Variants in CECR2 observed in about 807,000 individuals in gnomAD.
CECR2 encodes the protein chromatin remodeling regulator CECR2.
A neutral mutation model predicts 154.5 loss-of-function variants in CECR2; 30 were observed. The ratio of observed to expected loss-of-function variants is 0.19; its 90% CI spans 0.15 to 0.26. The LOEUF is 0.26. Ranked by LOEUF, CECR2 falls within the 10% of genes least tolerant of loss-of-function variation. CECR2 has a pLI of 1.00. For synonymous variants in CECR2, 725 were observed against 683.7 expected (o/e 1.06, Z -0.94); for missense variants, 1,743 against 1,829.3 (o/e 0.95, Z 0.86).
intron 1 of CECR2, among the ~76,000 whole-genome samples, chr22:17,391,000 T>C (rs2063320035): frequency 6.6e-6 from 1 of 152,224 alleles, no homozygotes; most frequent in South Asian, 2.1e-4. Flanking sequence ...GCGTACCCTT[T>C]ACTCTAGATG....
chr22:17,548,909 A>G lies in CECR2; in HGVS notation c.3622A>G (p.Ser1208Gly). Residue 1208 changes from serine to glycine, a missense_variant, in exon 17 of 19, where the codon AGC (serine) becomes GGC (glycine). Physicochemically the swap from Ser to Gly is moderately conservative, Grantham distance 56 (BLOSUM62 0). Transcript: ENST00000262608. ...AACTCCTTACTATGCCTGTCCACAG[A>G]GCTTTTCTGACTGGCAGAGACCTCT... is the stretch of plus-strand genomic sequence containing the variant. Reference protein sequence around the residue: ...QRTPYYACPQSFSDWQRPLHP... With the variant: ...QRTPYYACPQGFSDWQRPLHP... 1 of 1,613,284 alleles carries G rather than the reference A, an allele frequency of 6.2e-7. No homozygotes were observed. The highest frequency in any genetic ancestry group is 1.7e-5 in the Admixed American group (1 of 59,964).
intron 1 of CECR2, among the ~76,000 whole-genome samples, chr22:17,379,854 A>G (rs2063166200): frequency 6.6e-6 from 1 of 152,048 alleles, no homozygotes; most frequent in Non-Finnish European, 1.5e-5. Context: ...GTGCACTGTG[A>G]AGGGCTTTGA....
chr22:17,423,930 C>T (rs2054294317), intron 1 of CECR2, among the ~76,000 whole-genome samples: 1 of 152,222 alleles, frequency 6.6e-6, no homozygotes, highest in African/African-American at 2.4e-5. Flanking sequence ...TCCCATTTAG[C>T]ATCGTTTTAA....
chr22:17,469,437 C>T (rs1321480488), intron 1 of CECR2, among the ~76,000 whole-genome samples: 1 of 152,188 alleles, frequency 6.6e-6, no homozygotes, highest in African/African-American at 2.4e-5. Flanking sequence ...TCGACGGGGT[C>T]ATTTCTCCCA....
chr22:17,477,504 G>A, intron 1 of CECR2, 84 bp from the exon 2 acceptor site: 1 of 902,370 alleles, frequency 1.1e-6, no homozygotes, highest in African/African-American at 1.6e-5. Context: ...TTCAGTTCTT[G>A]GGGCTTGTGC....
chr22:17,466,852 A>G (rs937475292), intron 1 of CECR2, among the ~76,000 whole-genome samples: 7 of 152,200 alleles, frequency 4.6e-5, no homozygotes, highest in Admixed American at 3.9e-4. Context: ...CCGGCCTTCC[A>G]AAGTGCAGGA....
chr22:17,441,780 A>G (rs1389787422), intron 1 of CECR2, among the ~76,000 whole-genome samples: 1 of 152,254 alleles, frequency 6.6e-6, no homozygotes, highest in East Asian at 1.9e-4. Flanking sequence ...AAGATGATAA[A>G]TAATTGTTTG....
chr22:17,458,775 G>A (rs2054892848), intron 1 of CECR2, among the ~76,000 whole-genome samples: 1 of 152,098 alleles, frequency 6.6e-6, no homozygotes, highest in Non-Finnish European at 1.5e-5. Context: ...AAAACAGAGA[G>A]TACTTTGCTG....
chr22:17,481,566 C>T (rs1160577533), intron 2 of CECR2, among the ~76,000 whole-genome samples: 1 of 152,066 alleles, frequency 6.6e-6, no homozygotes, highest in East Asian at 1.9e-4. Flanking sequence ...TTGTGGTTTG[C>T]ATGTTTTAGA....
rs113854733 is a variant in CECR2 at position 17,494,449 on chromosome 22, G to T, written c.222-2954G>T. Among the ~76,000 whole-genome samples, 597 of 152,266 alleles carry T rather than the reference G, an allele frequency of 3.9e-3. 8 individuals are homozygous for T. Among genetic ancestry groups the T allele is most frequent in the Non-Finnish European group, 5.7e-3 (385 of 68,034 alleles). On this transcript the variant is annotated intron_variant, in intron 2 of 18. Transcript: ENST00000262608. ...CCGGCTCCTCACTCTGGAAGGGTTG[G>T]TAGCAACTTCACAGACAATGGAGAG...
At chr22:17,480,030 G>T (rs1473377818) in intron 2 of CECR2, among the ~76,000 whole-genome samples, 1 of 152,074 alleles carries the variant, frequency 6.6e-6, no homozygotes, top group Non-Finnish European at 1.5e-5. Context: ...AAAGTGCTGG[G>T]ATTACAGGTG....
intron 2 of CECR2, among the ~76,000 whole-genome samples, chr22:17,482,913 C>A (rs1341607062): frequency 6.6e-6 from 1 of 152,110 alleles, no homozygotes; most frequent in Non-Finnish European, 1.5e-5. Flanking sequence ...GATCTCCTGA[C>A]CTCGTGATCC....
chr22:17,476,020 A>G (rs1164699910), intron 1 of CECR2, among the ~76,000 whole-genome samples: 1 of 151,150 alleles, frequency 6.6e-6, no homozygotes, highest in Non-Finnish European at 1.5e-5. Context: ...GAAAGGCCAA[A>G]CTCATTAGCT....
At chr22:17,372,561 C>T (rs1601237421) in intron 1 of CECR2, among the ~76,000 whole-genome samples, 3 of 152,048 alleles carry the variant, frequency 2.0e-5, no homozygotes, top group East Asian at 1.9e-4. Flanking sequence ...CAGTTACATC[C>T]GTAGGCTGAG....
intron 1 of CECR2, among the ~76,000 whole-genome samples, chr22:17,428,853 G>T (rs1360870509): frequency 7.1e-6 from 1 of 140,882 alleles, no homozygotes; most frequent in East Asian, 2.2e-4. Flanking sequence ...AGTCATCTGG[G>T]AATGCTCAGG....
intron 1 of CECR2, among the ~76,000 whole-genome samples, chr22:17,412,112 A>G (rs1191589779): frequency 1.3e-5 from 2 of 152,190 alleles, no homozygotes; most frequent in Non-Finnish European, 2.9e-5. Flanking sequence ...AAAATATTCT[A>G]ATGGCGAGTA....
intron 1 of CECR2, among the ~76,000 whole-genome samples, chr22:17,385,923 G>A (rs1444525942): frequency 6.6e-6 from 1 of 152,224 alleles, no homozygotes; most frequent in African/African-American, 2.4e-5. Context: ...GACCCCCAGG[G>A]TGGGAGCATG....
At chr22:17,467,260 G>C (rs1402827520) in intron 1 of CECR2, among the ~76,000 whole-genome samples, 1 of 152,200 alleles carries the variant, frequency 6.6e-6, no homozygotes, top group Non-Finnish European at 1.5e-5. Flanking sequence ...TGTCAGTGAT[G>C]ATGGGCAGCA....
intron 2 of CECR2, among the ~76,000 whole-genome samples, chr22:17,482,400 G>T (rs1158625712): frequency 1.3e-5 from 2 of 152,038 alleles, no homozygotes; most frequent in African/African-American, 4.8e-5. Context: ...CTCCAGCCTG[G>T]GCGACAGAGC....
Sources: gnomAD v4.1 joint callset for allele counts (sites outside exome capture counted in the v4.1 genomes callset) on GRCh38, gnomAD v4.1.1 for gene constraint, MANE v1.5 for transcripts, NCBI Gene and HGNC (gene_info 2026-07-23, HGNC 2026-07-21) for gene names.